The following OPCML variants were observed in gnomAD, a reference collection of about 807,000 sequenced individuals.
The protein encoded by OPCML is opioid binding protein/cell adhesion molecule like.
A neutral mutation model predicts 37.8 loss-of-function variants in OPCML; 13 were observed. That is an observed-to-expected ratio of 0.34 (90% CI 0.22 to 0.55). The LOEUF is 0.55. Ranked by LOEUF, OPCML falls within the 20% of genes least tolerant of loss-of-function variation. The pLI, the probability that OPCML is intolerant of heterozygous loss-of-function variation, is 0.91. For missense variants in OPCML, 341 were observed against 435.6 expected (o/e 0.78, Z 1.93); for synonymous variants, 176 against 168.8 (o/e 1.04, Z -0.33).
intron 4 of OPCML, among the ~76,000 whole-genome samples, chr11:132,506,392 A>G (rs891638769): frequency 2.0e-5 from 3 of 152,230 alleles, no homozygotes; most frequent in Non-Finnish European, 4.4e-5. Context: ...ATGTATTCCA[A>G]TGAACTTAAG....
chr11:132,812,752 T>C (rs1939417891), intron 2 of OPCML, among the ~76,000 whole-genome samples: 1 of 152,250 alleles, frequency 6.6e-6, no homozygotes, highest in Admixed American at 6.5e-5. Flanking sequence ...TGTTATTACA[T>C]AGATTGTGGT....
intron 1 of OPCML, among the ~76,000 whole-genome samples, chr11:133,172,837 A>G (rs1368499148): frequency 1.3e-5 from 2 of 152,256 alleles, no homozygotes; most frequent in Non-Finnish European, 2.9e-5. Flanking sequence ...TCAAATACCT[A>G]CAAGATACTA....
At chr11:133,391,681 C>T (rs913408844) in intron 1 of OPCML, among the ~76,000 whole-genome samples, 1 of 152,160 alleles carries the variant, frequency 6.6e-6, no homozygotes, top group African/African-American at 2.4e-5. Context: ...CATTACAAGG[C>T]ACTCTCAGAA....
chr11:133,418,262 A>C, intron 1 of OPCML: 1 of 985,406 alleles, frequency 1.0e-6, no homozygotes, highest in South Asian at 4.7e-5. Context: ...CAAGGTCAAC[A>C]CCATTCTAGA....
chr11:132,927,397 T>C (rs1253852846), intron 2 of OPCML, among the ~76,000 whole-genome samples: 2 of 152,122 alleles, frequency 1.3e-5, no homozygotes, highest in South Asian at 2.1e-4. Flanking sequence ...GATTTTATAC[T>C]TAATGTGCTA....
intron 4 of OPCML, among the ~76,000 whole-genome samples, chr11:132,487,554 T>C (rs1208470343): frequency 6.6e-6 from 1 of 152,166 alleles, no homozygotes; most frequent in African/African-American, 2.4e-5. Context: ...CACGAACACC[T>C]CATTCTTGCT....
chr11:132,944,392 C>T (rs1446563627), intron 1 of OPCML, among the ~76,000 whole-genome samples: 1 of 152,178 alleles, frequency 6.6e-6, no homozygotes, highest in Non-Finnish European at 1.5e-5. Flanking sequence ...CGGCTCCCCG[C>T]CCAGCCAAGT....
At chr11:133,194,679 A>C (rs1938466393) in intron 1 of OPCML, among the ~76,000 whole-genome samples, 1 of 152,152 alleles carries the variant, frequency 6.6e-6, no homozygotes, top group Non-Finnish European at 1.5e-5. Context: ...TAAAACACAA[A>C]AGCCTCTTCC....
At chr11:132,565,781 C>T (rs2096421388) in intron 3 of OPCML, among the ~76,000 whole-genome samples, 1 of 152,178 alleles carries the variant, frequency 6.6e-6, no homozygotes, top group African/African-American at 2.4e-5. Context: ...GCCTGTAATC[C>T]CAGCATTTTG....
intron 3 of OPCML, among the ~76,000 whole-genome samples, chr11:132,592,317 G>T (rs982510958): frequency 6.6e-6 from 1 of 152,218 alleles, no homozygotes; most frequent in East Asian, 1.9e-4. Flanking sequence ...GGAGCCTGAG[G>T]GAGGGGCATA....
intron 3 of OPCML, among the ~76,000 whole-genome samples, chr11:132,583,880 C>G (rs541279934): frequency 6.6e-4 from 100 of 152,228 alleles, no homozygotes; most frequent in Middle Eastern, 6.8e-3. Context: ...TCCCAAAGTG[C>G]TGGGATTACA....
chr11:132,583,141 C>T (rs1257846324), intron 3 of OPCML, among the ~76,000 whole-genome samples: 2 of 151,938 alleles, frequency 1.3e-5, no homozygotes, highest in Non-Finnish European at 2.9e-5. Context: ...CAGTCTTGAC[C>T]TCCTGGGCTT....
At chr11:132,904,120 G>T (rs1944154153) in intron 2 of OPCML, among the ~76,000 whole-genome samples, 1 of 152,146 alleles carries the variant, frequency 6.6e-6, no homozygotes. Flanking sequence ...AAAGGGGAGA[G>T]GAGAAGAGAT....
intron 2 of OPCML, among the ~76,000 whole-genome samples, chr11:132,749,267 C>T (rs532809693): frequency 7.5e-4 from 114 of 152,284 alleles, no homozygotes; most frequent in Middle Eastern, 3.4e-3. Context: ...TTTTATTAGC[C>T]ACTCAGGCTA....
intron 2 of OPCML, among the ~76,000 whole-genome samples, chr11:132,864,303 A>G (rs1374842539): frequency 1.3e-5 from 2 of 152,152 alleles, no homozygotes; most frequent in Non-Finnish European, 2.9e-5. Context: ...TCTCCAATTA[A>G]TCTGCCTTTT....
chr11:132,513,036 A>G (rs1181189763), intron 4 of OPCML, among the ~76,000 whole-genome samples: 1 of 152,120 alleles, frequency 6.6e-6, no homozygotes, highest in Non-Finnish European at 1.5e-5. Flanking sequence ...CTGTTTAGCC[A>G]TTCATGATTC....
intron 2 of OPCML, among the ~76,000 whole-genome samples, chr11:132,898,084 G>A (rs1340152600): frequency 6.6e-6 from 1 of 152,098 alleles, no homozygotes; most frequent in Non-Finnish European, 1.5e-5. Flanking sequence ...GTTGTGCACG[G>A]GTTCAGCAGC....
At chr11:132,720,691 G>A (rs502611) in intron 2 of OPCML, among the ~76,000 whole-genome samples, 116,242 of 152,130 alleles carry the variant, frequency 0.76, 45,050 homozygotes, top group East Asian at 0.9. Flanking sequence ...TTTATTGTCA[G>A]CTCTTCTTCC....
At chr11:132,956,323 T>C (rs1945977555) in intron 1 of OPCML, among the ~76,000 whole-genome samples, 1 of 152,214 alleles carries the variant, frequency 6.6e-6, no homozygotes, top group South Asian at 2.1e-4. Flanking sequence ...TTCTAATCAA[T>C]AAAACAGAGC....
Sources: allele counts gnomAD v4.1 joint callset (sites outside exome capture counted in the v4.1 genomes callset), GRCh38; gene constraint gnomAD v4.1.1; transcripts MANE v1.5; gene names NCBI Gene and HGNC (gene_info 2026-07-23, HGNC 2026-07-21).